Variants in SALL2 observed in about 807,000 individuals in gnomAD.
SALL2 encodes sal-like protein 2.
Under a neutral mutation model 58.5 loss-of-function variants are expected in SALL2, and 32 were observed. That is an observed-to-expected ratio of 0.55 (90% confidence interval 0.41 to 0.74). The LOEUF (loss-of-function observed/expected upper bound fraction) is 0.74, where lower values mean the gene tolerates loss of function less well. SALL2 is among the 30% of genes least tolerant of loss of function. SALL2 has a pLI of 0.00. For missense variants in SALL2, 1,201 were observed against 1,268.9 expected (o/e 0.95, Z 0.81); for synonymous variants, 516 against 513.6 (o/e 1.00, Z -0.06).
chr14:21,535,206 G>A (rs992752819), intron 1 of SALL2, among the ~76,000 whole-genome samples: 4 of 152,112 alleles, frequency 2.6e-5, no homozygotes, highest in Non-Finnish European at 4.4e-5. Context: ...TTAGCCCGGC[G>A]TGGTGGCAGG....
intron 1 of SALL2, among the ~76,000 whole-genome samples, chr14:21,533,853 G>C (rs189468633): frequency 6.6e-6 from 1 of 152,148 alleles, no homozygotes; most frequent in Non-Finnish European, 1.5e-5. Context: ...GAAGGCAAAA[G>C]ACTCCTGGAA....
At chr14:21,526,449 G>T, upstream of SALL2, 3 of 1,323,400 alleles carry the variant, frequency 2.3e-6, no homozygotes, top group South Asian at 1.7e-5. Flanking sequence ...GGGCGTGGGG[G>T]CGGGAGCTCA....
Position 21,524,332 on chromosome 14 carries a change from C to G in SALL2, c.1390G>C (p.Ala464Pro). ...CGCTCAACCCCTCCACCTGGAGTGG[C>G]TGCCTCCTCCTCGGCCTTCTCTGGT... Reference protein sequence around the residue: ...VPPEKAEEEAATPGGGVERKP... With the variant: ...VPPEKAEEEAPTPGGGVERKP... The change falls in exon 2 of 2, where the codon GCC becomes CCC. Residue 464 changes from alanine to proline, a missense_variant. By Grantham distance (27) the Ala-to-Pro change is conservative. Transcript: ENST00000537235. 1 of 1,613,840 alleles carries G rather than the reference C, an allele frequency of 6.2e-7. No homozygotes were observed. Among genetic ancestry groups the G allele is most frequent in the Non-Finnish European group, 8.5e-7 (1 of 1,179,872 alleles).
chr14:21,526,394 A>T, upstream of SALL2: 6 of 1,013,548 alleles, frequency 5.9e-6, no homozygotes, highest in East Asian at 6.4e-5. Context: ...GCTGCTGGGG[A>T]GGGAGGCGGG....
At chr14:21,526,548 C>T, upstream of SALL2, 4 of 1,113,392 alleles carry the variant, frequency 3.6e-6, no homozygotes, top group Non-Finnish European at 4.4e-6. Context: ...CAGCTCCCCC[C>T]ATCTGCAGAT....
rs757653070 is a variant in SALL2, at chr14:21,525,501, G to A, written c.221C>T (p.Ser74Leu). ...IGGQENPNNSSASSEPRPEGH... is the reference protein window; with the variant it reads ...IGGQENPNNSLASSEPRPEGH... ...CTCAGGCCGGGGTTCAGAGGAGGCC[G>A]AAGAGTTGTTGGGGTTCTCCTGGCC... The change falls in exon 2 of 2, where the codon TCG becomes TTG. Residue 74 changes from serine to leucine, a missense_variant. Coordinates refer to ENST00000537235, the MANE Select transcript of SALL2 (RefSeq NM_001364564.1). The surrounding 1 kb of genome is among the most constrained non-coding windows in gnomAD (Gnocchi z 4.4). 27 of 1,613,850 alleles carry A rather than the reference G, an allele frequency of 1.7e-5. No homozygotes were observed. The highest frequency in any genetic ancestry group is 1.3e-4 in the East Asian group (6 of 44,862).
At position 21,524,862 on chromosome 14, in the gene SALL2, G is replaced by T. The variant is rs1486399125; in HGVS notation, c.860C>A (p.Ala287Asp). Reference sequence around the variant, plus strand: ...TTTGTGGCTTCGCCCAACCCCTCCAGCAGAGAAAGGATGCTGTGACCCCAG... The same window carrying T: ...TTTGTGGCTTCGCCCAACCCCTCCATCAGAGAAAGGATGCTGTGACCCCAG... Reference protein sequence around the residue: ...HPLGSQHPFSAGGVGRSHKPT... With the variant: ...HPLGSQHPFSDGGVGRSHKPT... Residue 287 changes from alanine to aspartate, a missense_variant, in exon 2 of 2, where the codon GCT (alanine) becomes GAT (aspartate). Around this residue, in one of 3 missense-constraint regions of SALL2, gnomAD observed 467 missense variants for 468.9 expected, o/e 1.00. Coordinates refer to ENST00000537235, the MANE Select transcript of SALL2 (RefSeq NM_001364564.1). The T allele has an allele frequency of 1.2e-6, 2 of 1,613,872 alleles. No homozygotes were observed. Among genetic ancestry groups the T allele is most frequent in the South Asian group, 2.2e-5 (2 of 91,062 alleles).
chr14:21,528,742 G>A (rs1031820723), upstream of SALL2, among the ~76,000 whole-genome samples: 2 of 152,134 alleles, frequency 1.3e-5, no homozygotes, highest in Admixed American at 1.3e-4. Context: ...TTTGACTCCT[G>A]TCCAATGCTT....
chr14:21,523,545 C>T lies in SALL2; in HGVS notation c.2177G>A (p.Gly726Asp), dbSNP rs1472245432. The change falls in exon 2 of 2, where the codon GGT (glycine) becomes GAT (aspartate). Residue 726 changes from glycine (G) to aspartate (D), a missense_variant. Around this residue, in one of 3 missense-constraint regions of SALL2, gnomAD observed 675 missense variants for 683.8 expected, o/e 0.99. Coordinates refer to ENST00000537235, the MANE Select transcript of SALL2 (RefSeq NM_001364564.1). This position sits in a 1 kb window ranked among gnomAD's most constrained non-coding sequence, Gnocchi z 4.4. ...GCCATTCTCCTGAGCAGCTCCTCCACCTTCAGGGAGTGCAGTACCACCGTT... is the reference window on the plus strand; with the variant it reads ...GCCATTCTCCTGAGCAGCTCCTCCATCTTCAGGGAGTGCAGTACCACCGTT... ...IPNGGTALPE[G>D]GGAAQENGSE... 1.9e-6 allele frequency: 3 copies of T among 1,614,100 alleles called. No individual in the cohort carries two copies. The highest frequency in any genetic ancestry group is 2.5e-6 in the Non-Finnish European group (3 of 1,180,060).
chr14:21,526,014 T>TGC, intron 1 of SALL2, 47 bp downstream of exon 1: 1 of 1,041,064 alleles, frequency 9.6e-7, no homozygotes, highest in South Asian at 1.4e-5. Flanking sequence ...CCCCTGCGCA[T>TGC]CCCCCTCCGC....
At chr14:21,535,253 G>A (rs190960547) in intron 1 of SALL2, among the ~76,000 whole-genome samples, 1 of 151,476 alleles carries the variant, frequency 6.6e-6, no homozygotes, top group Non-Finnish European at 1.5e-5. Flanking sequence ...GCTGAGGCAG[G>A]AGAATGGCGT....
chr14:21,532,970 T>A (rs1206973018), intron 1 of SALL2, among the ~76,000 whole-genome samples: 1 of 150,402 alleles, frequency 6.6e-6, no homozygotes. Context: ...CTCAAAATAA[T>A]AAAAATAAAT....
Position 21,521,345 on chromosome 14 carries a change from C to CT in SALL2, c.*1358dup, listed in dbSNP as rs1034077130. On this transcript the variant is annotated 3_prime_UTR_variant, in exon 2 of 2. Transcript: ENST00000537235. The stretch of plus-strand genomic sequence containing the variant: ...AGCTGGTCTCCCAAAGTCTGGGACT[C>CT]TTAAGAACCAGACAATGACAAAGAC... 3 of 152,144 alleles carry CT rather than the reference C, an allele frequency of 2.0e-5. No individual in the cohort carries two copies. The highest frequency in any genetic ancestry group is 4.4e-5 in the Non-Finnish European group (3 of 68,094). 9.4% of individuals were successfully genotyped at this position (152,144 alleles called of 1,614,324 possible).
chr14:21,526,001 C>CGGGGGGGGGGG, intron 1 of SALL2, 60 bp downstream of exon 1: 1 of 1,389,786 alleles, frequency 7.2e-7, no homozygotes, highest in Non-Finnish European at 9.9e-7. Flanking sequence ...AAAGTCTTCG[C>CGGGGGGGGGGG]CGCCCCTGCG....
chr14:21,535,669 A>G (rs1892579747), intron 1 of SALL2, among the ~76,000 whole-genome samples: 1 of 152,230 alleles, frequency 6.6e-6, no homozygotes, highest in Non-Finnish European at 1.5e-5. Flanking sequence ...ATAGCTAACC[A>G]AGTGGTGGAG....
At position 21,521,936 on chromosome 14, in the gene SALL2, C is replaced by T; in HGVS notation, c.*768G>A. 1 of 1,478,896 alleles carries T rather than the reference C, an allele frequency of 6.8e-7. No homozygotes were observed. The allele number at this position is 1,478,896 out of a possible 1,614,324, so 91.6% of individuals were successfully genotyped here. ...TTCTCCCTACTTCCTAGGGTTGGGTCACCAATTACTGGAGCATCTTCAGTA... is the reference window on the plus strand; with the variant it reads ...TTCTCCCTACTTCCTAGGGTTGGGTTACCAATTACTGGAGCATCTTCAGTA... On this transcript the variant is annotated 3_prime_UTR_variant, in exon 2 of 2. Transcript: ENST00000537235.
upstream of SALL2, among the ~76,000 whole-genome samples, chr14:21,530,281 C>CTTTTTTTTTTTTTT (rs34598628): frequency 3.4e-3 from 218 of 64,802 alleles, no homozygotes; most frequent in Non-Finnish European, 4.1e-3. Flanking sequence ...TTTTTTCTTT[C>CTTTTTTTTTTTTTT]TTTTTTTTTT....
In SALL2 at chr14:21,523,778, A is replaced by T; in HGVS notation, c.1944T>A (p.Tyr648Ter). The T allele has an allele frequency of 6.2e-7, 1 of 1,614,222 alleles. No individual in the cohort carries two copies. Among genetic ancestry groups the T allele is most frequent in the Non-Finnish European group, 8.5e-7 (1 of 1,180,044 alleles). ...AGGGCCTCTCACCTCCATGTTGGCC[A>T]TAATGAAGGCGTAGGGCCCGAGGAC... ...LSCPRALRLHYGQHGGERPFK... is the reference protein window; with the variant it reads ...LSCPRALRLH The change falls in exon 2 of 2, where the codon TAT becomes TAA. Residue 648 changes from tyrosine (Y) to a stop codon, truncating the protein, a stop_gained. Transcript: ENST00000537235. LOFTEE classifies it high-confidence loss of function. The surrounding 1 kb of genome is among the most constrained non-coding windows in gnomAD (Gnocchi z 4.4).
intron 1 of SALL2, among the ~76,000 whole-genome samples, chr14:21,534,921 A>G (rs1279063534): frequency 6.6e-6 from 1 of 152,148 alleles, no homozygotes; most frequent in Non-Finnish European, 1.5e-5. Context: ...TGTTAAGGTT[A>G]TTTTGTAGCA....
Sources: gnomAD v4.1 joint callset for allele counts (sites outside exome capture counted in the v4.1 genomes callset) on GRCh38, gnomAD v4.1.1 for gene constraint, gnomAD v4.1.1 regional missense constraint, Gnocchi (gnomAD v3.1) non-coding constraint, MANE v1.5 for transcripts, NCBI Gene and HGNC (gene_info 2026-07-23, HGNC 2026-07-21) for gene names.